CFAP36: variants seen among roughly 807,000 people sequenced by gnomAD.
CFAP36 encodes cilia and flagella associated protein 36.
CFAP36 carries 37 observed loss-of-function variants against 50.5 expected under a neutral mutation model. The observed-to-expected ratio is 0.73, with a 90% confidence interval of 0.56 to 0.96. The LOEUF (loss-of-function observed/expected upper bound fraction) is 0.96. CFAP36 is among the 50% of genes least tolerant of loss of function. The pLI is 0.00. For missense variants in CFAP36, 407 were observed against 396.2 expected, an observed-to-expected ratio of 1.03 and a Z score of -0.23; for synonymous variants, 138 against 128.2, an observed-to-expected ratio of 1.08 and a Z score of -0.52.
At chr2:55,534,209 G>C (rs528057623) in intron 5 of CFAP36, among the ~76,000 whole-genome samples, 1 of 152,306 alleles carries the variant, frequency 6.6e-6, no homozygotes, top group East Asian at 1.9e-4. Context: ...GAATAGGAAA[G>C]TAGCCACCAA....
intron 3 of CFAP36, among the ~76,000 whole-genome samples, chr2:55,528,049 C>T (rs912020020): frequency 1.2e-4 from 18 of 151,580 alleles, no homozygotes; most frequent in Non-Finnish European, 2.2e-4. Flanking sequence ...ACACACCTTC[C>T]GCCATGTTGG....
chr2:55,544,006 T>A lies in CFAP36; in HGVS notation c.709T>A (p.Ser237Thr). The change falls in exon 8 of 10, where the codon TCC (serine) becomes ACC (threonine). Residue 237 changes from serine to threonine, a missense_variant. Ser to Thr is a moderately conservative substitution (Grantham distance 58). Transcript: ENST00000349456. ...AAGAAAAGTGGAAAGGTCTGAAACT[T>A]CCTCCCTCCCACAAAAAGACCTGAA... Reference protein sequence around the residue: ...LGRKVERSETSSLPQKDLKIP... With the variant: ...LGRKVERSETTSLPQKDLKIP... 6.2e-7 allele frequency: 1 copy of A among 1,613,698 alleles called. No homozygotes were observed. Among genetic ancestry groups the A allele is most frequent in the Non-Finnish European group, 8.5e-7 (1 of 1,179,746 alleles).
intron 4 of CFAP36, among the ~76,000 whole-genome samples, chr2:55,531,856 CTCTAAGTAG>C (rs1684360102): frequency 6.6e-6 from 1 of 152,178 alleles, no homozygotes; most frequent in Non-Finnish European, 1.5e-5. Flanking sequence ...AGGGCCCTGC[CTCTAAGTAG>C]TTAGCTGCCT....
At chr2:55,521,563 G>T (rs1052415654) in intron 1 of CFAP36, among the ~76,000 whole-genome samples, 3 of 150,530 alleles carry the variant, frequency 2.0e-5, no homozygotes, top group African/African-American at 7.3e-5. Flanking sequence ...TCTCAAGTAG[G>T]CAAAAAAGCT....
At chr2:55,530,321 G>A (rs978240440) in intron 4 of CFAP36, among the ~76,000 whole-genome samples, 4 of 152,156 alleles carry the variant, frequency 2.6e-5, no homozygotes, top group South Asian at 4.1e-4. Flanking sequence ...ATGTAAGTCC[G>A]ATTAAACCTC....
Position 55,544,217 on chromosome 2 carries a change from C to G in CFAP36, c.778-3C>G, listed in dbSNP as rs757045145. Reference sequence around the variant, plus strand: ...AGATAGCTCCTTTTCTTACTTGACCCAGAACTTATCAGTACTTGGAACAGA... The same window carrying G: ...AGATAGCTCCTTTTCTTACTTGACCGAGAACTTATCAGTACTTGGAACAGA... On this transcript the variant is annotated splice_region_variant and splice_polypyrimidine_tract_variant and intron_variant, in intron 8 of 9. Coordinates refer to ENST00000349456, the MANE Select transcript of CFAP36 (RefSeq NM_080667.7). 1.2e-6 allele frequency: 2 copies of G among 1,611,718 alleles called. No homozygotes were observed. Among genetic ancestry groups the G allele is most frequent in the South Asian group, 2.2e-5 (2 of 90,494 alleles).
chr2:55,541,160 A>C (rs1475924922), intron 7 of CFAP36, among the ~76,000 whole-genome samples: 2 of 152,042 alleles, frequency 1.3e-5, no homozygotes, highest in African/African-American at 4.8e-5. Flanking sequence ...CCATCTCTAC[A>C]AAAAATACAA....
At chr2:55,544,471 C>T in intron 9 of CFAP36, 102 bp downstream of exon 9, 7 of 1,166,486 alleles carry the variant, frequency 6.0e-6, no homozygotes, top group Non-Finnish European at 8.4e-6. Flanking sequence ...GCTTGCAGAC[C>T]CATTCATATT....
chr2:55,522,463 T>G (rs1234071038), intron 2 of CFAP36, among the ~76,000 whole-genome samples: 3 of 152,162 alleles, frequency 2.0e-5, no homozygotes, highest in African/African-American at 7.2e-5. Context: ...ATTATTCACT[T>G]CGTCATGGTT....
At chr2:55,524,937 C>T (rs374292581) in intron 3 of CFAP36, among the ~76,000 whole-genome samples, 12 of 151,258 alleles carry the variant, frequency 7.9e-5, no homozygotes, top group African/African-American at 1.7e-4. Context: ...GCCAAGATCG[C>T]GCCATTGCAC....
At chr2:55,533,472 G>T (rs991932188) in intron 4 of CFAP36, among the ~76,000 whole-genome samples, 1 of 152,060 alleles carries the variant, frequency 6.6e-6, no homozygotes, top group Admixed American at 6.6e-5. Flanking sequence ...GGTAGGCCGA[G>T]GGGGGCAGAT....
chr2:55,532,456 C>G (rs538355420), intron 4 of CFAP36, among the ~76,000 whole-genome samples: 2 of 151,446 alleles, frequency 1.3e-5, no homozygotes, highest in South Asian at 4.1e-4. Flanking sequence ...TTGTGTTATT[C>G]TTAGTACTTT....
intron 9 of CFAP36, 92 bp downstream of exon 9, chr2:55,544,461 G>C: frequency 7.4e-7 from 1 of 1,349,612 alleles, no homozygotes; most frequent in African/African-American, 1.5e-5. Flanking sequence ...AATAAATTTT[G>C]CTTGCAGACC....
intron 7 of CFAP36, among the ~76,000 whole-genome samples, chr2:55,538,295 C>T (rs1294858848): frequency 3.8e-5 from 5 of 132,886 alleles, no homozygotes; most frequent in African/African-American, 8.3e-5. Context: ...TTTCTTTTAT[C>T]TTTTTTTTTT....
chr2:55,538,910 T>C (rs751169007), intron 7 of CFAP36: 7 of 1,450,412 alleles, frequency 4.8e-6, no homozygotes, highest in Non-Finnish European at 6.4e-6. Flanking sequence ...GTGTGATGTT[T>C]ACCCATTAAT....
intron 3 of CFAP36, among the ~76,000 whole-genome samples, chr2:55,524,767 A>T (rs1335140470): frequency 6.6e-6 from 1 of 152,050 alleles, no homozygotes; most frequent in Non-Finnish European, 1.5e-5. Context: ...AGATCACCTG[A>T]GGTCGGGAGT....
intron 4 of CFAP36, among the ~76,000 whole-genome samples, chr2:55,532,138 G>A (rs1174020026): frequency 6.6e-6 from 1 of 151,816 alleles, no homozygotes; most frequent in Non-Finnish European, 1.5e-5. Flanking sequence ...TCTGTTTGAG[G>A]CTGCAGTGAG....
In CFAP36 at chr2:55,545,022, T is replaced by C; in HGVS notation, c.*14T>C. ...ATTAATAAGTAATAATTAAGAACAATTTAACAAAATGGAAGTTCAAATTGT... is the reference window on the plus strand; with the variant it reads ...ATTAATAAGTAATAATTAAGAACAACTTAACAAAATGGAAGTTCAAATTGT... On this transcript the variant is annotated 3_prime_UTR_variant, in exon 10 of 10. Coordinates refer to ENST00000349456, the MANE Select transcript of CFAP36 (RefSeq NM_080667.7). The C allele has an allele frequency of 6.3e-6, 9 of 1,428,282 alleles. No individual in the cohort carries two copies. Among genetic ancestry groups the C allele is most frequent in the African/African-American group, 1.4e-5 (1 of 69,114 alleles). The allele number at this position is 1,428,282 out of a possible 1,614,324, so 88.5% of individuals were successfully genotyped here. A position where few individuals can be genotyped will look rare whatever the true frequency, so the allele number is the denominator to read the frequency against.
intron 6 of CFAP36, 97 bp downstream of exon 6, chr2:55,535,860 CTACA>C: frequency 4.9e-6 from 7 of 1,439,872 alleles, no homozygotes; most frequent in East Asian, 2.6e-5. Flanking sequence ...TTATGTGGAA[CTACA>C]TAATTTTAAG....
Sources: gnomAD v4.1 joint callset for allele counts (sites outside exome capture counted in the v4.1 genomes callset) on GRCh38, gnomAD v4.1.1 for gene constraint, MANE v1.5 for transcripts, NCBI Gene and HGNC (gene_info 2026-07-23, HGNC 2026-07-21) for gene names.